The following SLC19A2 variants were observed in gnomAD, a reference collection of about 807,000 sequenced individuals.
SLC19A2 encodes the protein solute carrier family 19 member 2, also known as thiamine transporter 1.
In SLC19A2, 27 loss-of-function variants were observed where a neutral mutation model predicts 44.7. The ratio of observed to expected loss-of-function variants is 0.60; its 90% CI spans 0.45 to 0.83. SLC19A2 has a LOEUF of 0.83. SLC19A2 is among the 40% of genes least tolerant of loss of function. The probability of loss-of-function intolerance (pLI) is 0.00; values close to 1 mark genes in which losing one functional copy is unlikely to be tolerated. For synonymous variants in SLC19A2, 239 were observed against 243.6 expected (o/e 0.98, Z 0.18); for missense variants, 566 against 613.7 (o/e 0.92, Z 0.82).
At chr1:169,478,681 C>G (rs1658382986) in intron 1 of SLC19A2, among the ~76,000 whole-genome samples, 1 of 151,712 alleles carries the variant, frequency 6.6e-6, no homozygotes, top group African/African-American at 2.4e-5. Context: ...TAGCCTCAAA[C>G]TCTCCTAATA....
At chr1:169,484,500 C>T (rs1270506297) in intron 1 of SLC19A2, among the ~76,000 whole-genome samples, 1 of 152,088 alleles carries the variant, frequency 6.6e-6, no homozygotes, top group Non-Finnish European at 1.5e-5. Flanking sequence ...CTCAAGTGGC[C>T]CCTTGACTGA....
chr1:169,467,661 TTCA>T (rs565011010), intron 5 of SLC19A2, among the ~76,000 whole-genome samples: 5 of 152,236 alleles, frequency 3.3e-5, no homozygotes, highest in Non-Finnish European at 7.3e-5. Context: ...CATAATGTTG[TTCA>T]TCAGCAGCAA....
chr1:169,483,152 G>T (rs1658480031), intron 1 of SLC19A2, among the ~76,000 whole-genome samples: 1 of 152,142 alleles, frequency 6.6e-6, no homozygotes, highest in Non-Finnish European at 1.5e-5. Context: ...GTAGACAGAA[G>T]AAATCTTTTT....
At position 169,465,953 on chromosome 1, in the gene SLC19A2, CA is replaced by C. The variant is rs754086436; in HGVS notation, c.1389del (p.Phe463LeufsTer17). On this transcript the variant is annotated frameshift_variant, in exon 6 of 6. Coordinates refer to ENST00000236137, the MANE Select transcript of SLC19A2 (RefSeq NM_006996.3). LOFTEE classifies it high-confidence loss of function. ...GCCAGGAAAACCACAGCGATGAGTG[CA>C]AAATAACTGGCATAGATCAAAAACT... ...TTQFLIYASY[F>X]ALIAVVFLAS... 6.2e-7 allele frequency: 1 copy of C among 1,613,990 alleles called. No individual in the cohort carries two copies. Among genetic ancestry groups the C allele is most frequent in the Non-Finnish European group, 8.5e-7 (1 of 1,179,946 alleles).
chr1:169,469,690 A>ATG (rs1326741194), intron 3 of SLC19A2, among the ~76,000 whole-genome samples: 2 of 152,218 alleles, frequency 1.3e-5, no homozygotes, highest in Admixed American at 6.5e-5. Context: ...TACCCAGTAA[A>ATG]TACAGAGATA....
chr1:169,475,016 C>T (rs1384773300), intron 2 of SLC19A2, among the ~76,000 whole-genome samples: 1 of 152,028 alleles, frequency 6.6e-6, no homozygotes, highest in Admixed American at 6.6e-5. Context: ...TTGTACAATT[C>T]TGCATAAGTT....
intron 5 of SLC19A2, 116 bp from the exon 6 acceptor site, chr1:169,466,093 G>A (rs1281177322): frequency 1.2e-5 from 15 of 1,201,930 alleles, no homozygotes; most frequent in East Asian, 1.0e-4. Context: ...CTTACACCAC[G>A]TGCCAGACCC....
chr1:169,475,734 C>T (rs921605718), intron 2 of SLC19A2, among the ~76,000 whole-genome samples: 1 of 152,234 alleles, frequency 6.6e-6, no homozygotes, highest in African/African-American at 2.4e-5. Flanking sequence ...AAAGTGCTCA[C>T]AGGTGCCCTG....
In SLC19A2 at chr1:169,465,859, G is replaced by T. The variant is rs1003505341; in HGVS notation, c.1484C>A (p.Thr495Asn). The T allele has an allele frequency of 2.5e-6, 4 of 1,613,778 alleles. No individual in the cohort carries two copies. Among genetic ancestry groups the T allele is most frequent in the Non-Finnish European group, 3.4e-6 (4 of 1,179,904 alleles). ...CCCTTCAGCAGTATATTATGAAGTGGTTACTTGAGAACTTGATTGTGGATC... is the reference window on the plus strand; with the variant it reads ...CCCTTCAGCAGTATATTATGAAGTGTTTACTTGAGAACTTGATTGTGGATC... ...LEDPQSSSQV[T>N]TS Residue 495 changes from threonine to asparagine, a missense_variant, in exon 6 of 6, where the codon ACC becomes AAC. Thr to Asn is a moderately conservative substitution (Grantham distance 65). Transcript: ENST00000236137.
At chr1:169,478,901 T>A (rs1658386553) in intron 1 of SLC19A2, among the ~76,000 whole-genome samples, 1 of 151,776 alleles carries the variant, frequency 6.6e-6, no homozygotes, top group Non-Finnish European at 1.5e-5. Context: ...CACTCCAGTC[T>A]GTATGACAGA....
At chr1:169,471,300 A>AT (rs2101775864) in intron 2 of SLC19A2, among the ~76,000 whole-genome samples, 1 of 152,084 alleles carries the variant, frequency 6.6e-6, no homozygotes, top group South Asian at 2.1e-4. Flanking sequence ...GTGATTTTTT[A>AT]TTTTTTATAT....
chr1:169,474,696 T>G (rs1658269159), intron 2 of SLC19A2, among the ~76,000 whole-genome samples: 2 of 152,218 alleles, frequency 1.3e-5, no homozygotes, highest in Admixed American at 6.5e-5. Flanking sequence ...GGTTTAATTA[T>G]AGGTCTTGTC....
rs1657952250 is a variant in SLC19A2, at chr1:169,464,952, T to G, written c.*897A>C. The stretch of plus-strand genomic sequence containing the variant: ...AATTATTAAAAAAAGATTTTTCATT[T>G]TATTTTGGAAATAAAAGGGAATACA... On this transcript the variant is annotated 3_prime_UTR_variant, in exon 6 of 6. Transcript: ENST00000236137. 6.6e-6 allele frequency: 1 copy of G among 152,548 alleles called. No individual in the cohort carries two copies. Among genetic ancestry groups the G allele is most frequent in the Admixed American group, 6.5e-5 (1 of 15,282 alleles). The allele number at this position is 152,548 out of a possible 1,614,324, so 9.4% of individuals were successfully genotyped here.
chr1:169,483,143 T>C (rs1428586349), intron 1 of SLC19A2, among the ~76,000 whole-genome samples: 2 of 152,172 alleles, frequency 1.3e-5, no homozygotes, highest in South Asian at 2.1e-4. Flanking sequence ...CTTTTGAGAG[T>C]AGACAGAAGA....
At chr1:169,473,240 TATTTA>T (rs1294218637) in intron 2 of SLC19A2, among the ~76,000 whole-genome samples, 1 of 151,994 alleles carries the variant, frequency 6.6e-6, no homozygotes, top group African/African-American at 2.4e-5. Context: ...AAATTTTATT[TATTTA>T]TTTATTTTTT....
At chr1:169,469,025 C>CA in intron 3 of SLC19A2, 189 bp from the exon 4 acceptor site, 1 of 596,578 alleles carries the variant, frequency 1.7e-6, no homozygotes, top group Non-Finnish European at 2.9e-6. Flanking sequence ...AATGGAGCCA[C>CA]TGAGATGACA....
intron 1 of SLC19A2, among the ~76,000 whole-genome samples, chr1:169,482,933 A>G (rs1325002221): frequency 2.0e-5 from 3 of 152,236 alleles, no homozygotes; most frequent in Non-Finnish European, 2.9e-5. Flanking sequence ...TGTTTAAAAA[A>G]ATCTAAGAAA....
intron 1 of SLC19A2, among the ~76,000 whole-genome samples, chr1:169,479,507 A>G (rs1215934728): frequency 6.6e-6 from 1 of 152,202 alleles, no homozygotes; most frequent in Non-Finnish European, 1.5e-5. Flanking sequence ...AATCTCCATT[A>G]TCAGTAAAGG....
At position 169,470,151 on chromosome 1, in the gene SLC19A2, T is replaced by C. The variant is rs1009996634; in HGVS notation, c.843A>G (p.Val281=). 1.2e-6 allele frequency: 2 copies of C among 1,613,934 alleles called. No individual in the cohort carries two copies. The highest frequency in any genetic ancestry group is 1.7e-6 in the Non-Finnish European group (2 of 1,179,962). The change falls in exon 3 of 6, where the codon GTA becomes GTG. Residue 281 remains valine, a synonymous_variant. Coordinates refer to ENST00000236137, the MANE Select transcript of SLC19A2 (RefSeq NM_006996.3). ...PKPDRLLVLK[V]LWNDFLMCYS... is the part of the protein sequence containing the mutation. ...AGCACATCAGGAAATCATTCCATAG[T>C]ACTTTCAATACAAGGAGACGGTCTG...
Sources: allele counts gnomAD v4.1 joint callset (sites outside exome capture counted in the v4.1 genomes callset), GRCh38; gene constraint gnomAD v4.1.1; transcripts MANE v1.5; gene names NCBI Gene and HGNC (gene_info 2026-07-23, HGNC 2026-07-21).